Variants in SH3TC1 observed in about 807,000 individuals in gnomAD.
SH3TC1 encodes SH3 domain and tetratricopeptide repeat-containing protein 1.
SH3TC1 carries 135 observed loss-of-function variants against 117.3 expected under a neutral mutation model. That is an observed-to-expected ratio of 1.15 (90% CI 1.00 to 1.33). The LOEUF (loss-of-function observed/expected upper bound fraction) is 1.33, where lower values mean the gene tolerates loss of function less well. Among genes scored for constraint, SH3TC1 ranks in the 40% most tolerant of loss-of-function variants. SH3TC1 has a pLI of 0.00. For missense variants in SH3TC1, 2,092 were observed against 1,794.3 expected (o/e 1.17, Z -3.00); for synonymous variants, 898 against 816.9 (o/e 1.10, Z -1.69).
intron 6 of SH3TC1, 141 bp downstream of exon 6, chr4:8,216,398 G>C (rs1412348224): frequency 7.6e-6 from 10 of 1,316,638 alleles, no homozygotes; most frequent in Non-Finnish European, 7.2e-6. Context: ...GGGTGCTTCA[G>C]GCAGGGAGGT....
upstream of SH3TC1, among the ~76,000 whole-genome samples, chr4:8,198,266 T>A (rs1213103828): frequency 6.6e-6 from 1 of 152,194 alleles, no homozygotes; most frequent in Non-Finnish European, 1.5e-5. Context: ...GAGCCTTAGT[T>A]TTCCTGTCTG....
At position 8,203,138 on chromosome 4, in the gene SH3TC1, G is replaced by C. The variant is rs577432832; in HGVS notation, c.-28-2029G>C. ...CTGCCTCTTGGGGAGCAGCCTCTGT[G>C]AAGGGACCTGTCGCCACAGTGGTGG... On this transcript the variant is annotated intron_variant, in intron 1 of 17. Coordinates refer to ENST00000245105, the MANE Select transcript of SH3TC1 (RefSeq NM_018986.5). 7.0e-3 allele frequency among the ~76,000 whole-genome samples: 1,060 copies of C among 152,332 alleles called. 6 individuals carry two copies. Among genetic ancestry groups the C allele is most frequent in the Non-Finnish European group, 0.011 (732 of 68,030 alleles).
rs981405935 is a variant in SH3TC1, at chr4:8,206,596, C to T, written c.172+1230C>T. ...GCAAAGCACCGTGGCATCGCCTCTC[C>T]CTGGAGTGAATCTCTGTGGACCGAG... On this transcript the variant is annotated intron_variant, in intron 2 of 17. Coordinates refer to ENST00000245105, the MANE Select transcript of SH3TC1 (RefSeq NM_018986.5). The surrounding 1 kb of genome is among the most constrained non-coding windows in gnomAD (Gnocchi z 5.5). Among the ~76,000 whole-genome samples the T allele has an allele frequency of 6.6e-6, 1 of 152,142 alleles. No individual in the cohort carries two copies. Among genetic ancestry groups the T allele is most frequent in the Non-Finnish European group, 1.5e-5 (1 of 68,030 alleles).
In SH3TC1 at chr4:8,217,172, G is replaced by A. The variant is rs372146211; in HGVS notation, c.839+5G>A. On this transcript the variant is annotated splice_donor_5th_base_variant and intron_variant, in intron 7 of 17. Coordinates refer to ENST00000245105, the MANE Select transcript of SH3TC1 (RefSeq NM_018986.5). ...GCCTTTGATTCCATTTCATCAGTAG[G>A]TACCGGCCTTTGCTGCTCTGAGAGC... 6.3e-7 allele frequency: 1 copy of A among 1,599,418 alleles called. No individual in the cohort carries two copies.
chr4:8,184,049 G>A (rs1023510875), intron 1 of SH3TC1, among the ~76,000 whole-genome samples: 14 of 152,250 alleles, frequency 9.2e-5, no homozygotes, highest in South Asian at 4.1e-4. Flanking sequence ...GCGCCTGGCC[G>A]TGTGTCTTTT....
Position 8,214,448 on chromosome 4 carries a change from C to T in SH3TC1, c.376-27C>T, listed in dbSNP as rs367781994. On this transcript the variant is annotated intron_variant, in intron 4 of 17. Transcript: ENST00000245105. ...GATGCCCCAGAGCTCCTGGGGACCT[C>T]TCGAATTCCTATTTCTTTCTCTTAA... is the stretch of plus-strand genomic sequence containing the variant. 12 of 1,607,488 alleles carry T rather than the reference C, an allele frequency of 7.5e-6. No individual in the cohort carries two copies. In the African/African-American group the frequency reaches 1.6e-4, roughly 21 times the overall value.
At chr4:8,232,323 G>C in intron 13 of SH3TC1, 167 bp downstream of exon 13, 1 of 1,508,908 alleles carries the variant, frequency 6.6e-7, no homozygotes, top group Non-Finnish European at 9.0e-7. Flanking sequence ...TTGTCCCAGG[G>C]CTGCTGATGA....
intron 1 of SH3TC1, among the ~76,000 whole-genome samples, chr4:8,204,279 G>A (rs547553057): frequency 4.6e-5 from 7 of 152,308 alleles, no homozygotes; most frequent in Admixed American, 4.6e-4. Context: ...GAGATGGGAG[G>A]CAGGAGCTGC....
rs780021388 is a variant in SH3TC1 at position 8,240,788 on chromosome 4, C to T, written c.3844C>T (p.Arg1282Trp). Residue 1282 changes from arginine to tryptophan, a missense_variant, in exon 18 of 18, where the codon CGG becomes TGG. Physicochemically the swap from Arg to Trp is moderately radical, Grantham distance 101. Coordinates refer to ENST00000245105, the MANE Select transcript of SH3TC1 (RefSeq NM_018986.5). ...GAAGGCACAGCTGAAGATCTACACG[C>T]GGCTGGCCACCATCTACCACAACTT... ...NKKAQLKIYTRLATIYHNFLL... is the reference protein window; with the variant it reads ...NKKAQLKIYTWLATIYHNFLL... 2.3e-5 allele frequency: 37 copies of T among 1,613,994 alleles called. No homozygotes were observed. Among genetic ancestry groups the T allele is most frequent in the Admixed American group, 1.8e-4 (11 of 60,010 alleles).
chr4:8,239,437 CACGG>C (rs1185406723), intron 17 of SH3TC1, among the ~76,000 whole-genome samples: 1 of 148,084 alleles, frequency 6.8e-6, no homozygotes, highest in Non-Finnish European at 1.5e-5. Flanking sequence ...CATGCACACA[CACGG>C]ACACGCACAC....
chr4:8,211,024 C>T (rs1017213117), intron 3 of SH3TC1, among the ~76,000 whole-genome samples: 3 of 151,186 alleles, frequency 2.0e-5, no homozygotes, highest in Admixed American at 2.0e-4. Context: ...TTTCTCCCCT[C>T]TCCCTCTCTC....
At position 8,218,332 on chromosome 4, in the gene SH3TC1, G is replaced by A. The variant is rs376095673; in HGVS notation, c.901G>A (p.Gly301Ser). ...TGCCATGGGTGGCCCTGTGATGCCC[G>A]GCAACCCGCTGATGGGTAAGTGTTT... ...DDAMGGPVMP[G>S]NPLMAVGLAS... is the part of the protein sequence containing the mutation. The change falls in exon 8 of 18, where the codon GGC becomes AGC. Residue 301 changes from glycine (G) to serine (S), a missense_variant. Gly to Ser is a moderately conservative substitution (Grantham distance 56). Coordinates refer to ENST00000245105, the MANE Select transcript of SH3TC1 (RefSeq NM_018986.5). 6.2e-5 allele frequency: 100 copies of A among 1,610,796 alleles called. No homozygotes were observed. The highest frequency in any genetic ancestry group is 4.5e-5 in the Non-Finnish European group (53 of 1,177,564).
chr4:8,207,305 T>C (rs918923891), intron 2 of SH3TC1, among the ~76,000 whole-genome samples: 10 of 152,230 alleles, frequency 6.6e-5, no homozygotes, highest in Non-Finnish European at 1.3e-4. Context: ...ACGATGTCTA[T>C]TAGTCTCTGG....
intron 14 of SH3TC1, among the ~76,000 whole-genome samples, chr4:8,233,947 CATCA>C (rs1197073122): frequency 2.7e-5 from 4 of 149,400 alleles, no homozygotes; most frequent in African/African-American, 9.8e-5. Context: ...TCCAATCACC[CATCA>C]ATCCATCCAT....
At chr4:8,220,388 G>GA (rs900340273) in intron 9 of SH3TC1, among the ~76,000 whole-genome samples, 1 of 109,110 alleles carries the variant, frequency 9.2e-6, no homozygotes, top group Non-Finnish European at 2.5e-5. Context: ...TGGCTCCTCT[G>GA]GGGGGGGCAC....
intron 1 of SH3TC1, chr4:8,204,891 G>A (rs78682941): frequency 0.096 from 26,673 of 277,244 alleles, 1,756 homozygotes; most frequent in Non-Finnish European, 0.12. Flanking sequence ...GTTCTGCCTC[G>A]ACAGGGAAGG....
intron 3 of SH3TC1, among the ~76,000 whole-genome samples, chr4:8,211,072 C>A (rs1195799134): frequency 2.8e-5 from 4 of 142,088 alleles, no homozygotes; most frequent in African/African-American, 8.1e-5. Flanking sequence ...TCCCTCTCTC[C>A]CTCTGGGTTT....
chr4:8,218,423 C>A, intron 8 of SH3TC1, 76 bp downstream of exon 8: 1 of 1,068,260 alleles, frequency 9.4e-7, no homozygotes, highest in Non-Finnish European at 1.4e-6. Context: ...TTGGAAGTTG[C>A]CCTACATCCT....
At position 8,225,401 on chromosome 4, in the gene SH3TC1, G is replaced by T. The variant is rs929883803; in HGVS notation, c.1285+185G>T. Among the ~76,000 whole-genome samples the T allele has an allele frequency of 6.6e-6, 1 of 152,156 alleles. No homozygotes were observed. The highest frequency in any genetic ancestry group is 1.5e-5 in the Non-Finnish European group (1 of 68,020). ...TGAACCTCCCGTCCACTGTGGCACT[G>T]GAGGCCGTGGGGTCCCGCACTTCTT... On this transcript the variant is annotated intron_variant, in intron 11 of 17. Transcript: ENST00000245105. The surrounding 1 kb of genome is among the most constrained non-coding windows in gnomAD (Gnocchi z 5.5).
Sources: allele counts gnomAD v4.1 joint callset (sites outside exome capture counted in the v4.1 genomes callset), GRCh38; gene constraint gnomAD v4.1.1; non-coding constraint Gnocchi (gnomAD v3.1); transcripts MANE v1.5; gene names NCBI Gene and HGNC (gene_info 2026-07-23, HGNC 2026-07-21).